The following BLMH variants were observed in gnomAD, a reference collection of about 807,000 sequenced individuals.
BLMH encodes the protein BLM hydrolase.
Under a neutral mutation model 61.6 loss-of-function variants are expected in BLMH, and 32 were observed. The observed-to-expected ratio is 0.52, with a 90% confidence interval of 0.39 to 0.70. The LOEUF (loss-of-function observed/expected upper bound fraction) is 0.70, where lower values mean the gene tolerates loss of function less well. Ranked by LOEUF, BLMH falls within the 30% of genes least tolerant of loss-of-function variation. BLMH has a pLI of 0.00. For synonymous variants in BLMH, 183 were observed against 193.8 expected, an observed-to-expected ratio of 0.94 and a Z score of 0.46; for missense variants, 460 against 555.5, an observed-to-expected ratio of 0.83 and a Z score of 1.73.
chr17:30,262,919 C>CTAA (rs1908002220), intron 11 of BLMH, among the ~76,000 whole-genome samples: 1 of 152,222 alleles, frequency 6.6e-6, no homozygotes, highest in Non-Finnish European at 1.5e-5. Context: ...TCACAATGTG[C>CTAA]TAACATGTGA....
chr17:30,264,489 A>G (rs1258090688), intron 11 of BLMH, among the ~76,000 whole-genome samples: 1 of 152,234 alleles, frequency 6.6e-6, no homozygotes, highest in African/African-American at 2.4e-5. Flanking sequence ...AAGTGACCTA[A>G]AATTATCTTT....
chr17:30,286,770 G>A (rs759355123), intron 5 of BLMH, 44 bp downstream of exon 5: 1 of 1,413,398 alleles, frequency 7.1e-7, no homozygotes, highest in Non-Finnish European at 1.0e-6. Context: ...AAGTTTGAAG[G>A]AAAGTACACT....
At chr17:30,275,398 C>T (rs549883402) in intron 6 of BLMH, among the ~76,000 whole-genome samples, 2 of 152,188 alleles carry the variant, frequency 1.3e-5, no homozygotes, top group East Asian at 1.9e-4. Context: ...CAGTGGCTCA[C>T]GCCTGTAATC....
chr17:30,272,381 T>C (rs1908300459), intron 9 of BLMH, 180 bp downstream of exon 9: 8 of 701,436 alleles, frequency 1.1e-5, no homozygotes, highest in Non-Finnish European at 2.0e-5. Flanking sequence ...GGTTAGAGTG[T>C]TTAAGTATGT....
At chr17:30,255,924 A>G (rs745459448) in intron 11 of BLMH, among the ~76,000 whole-genome samples, 5 of 152,102 alleles carry the variant, frequency 3.3e-5, no homozygotes, top group African/African-American at 2.4e-5. Flanking sequence ...ACAAGCTCTC[A>G]CTCTGTTACC....
intron 9 of BLMH, chr17:30,272,281 T>G: frequency 1.3e-5 from 6 of 462,208 alleles, no homozygotes; most frequent in Non-Finnish European, 1.9e-5. Flanking sequence ...TAGTCAATTA[T>G]TTTTTTAAAG....
intron 11 of BLMH, among the ~76,000 whole-genome samples, chr17:30,264,055 C>T (rs952405766): frequency 6.6e-6 from 1 of 152,222 alleles, no homozygotes; most frequent in African/African-American, 2.4e-5. Flanking sequence ...TAATAACATA[C>T]TATGCGCTCT....
rs1908887887 is a variant in BLMH, at chr17:30,291,501, A to T, written c.21T>A (p.Asn7Lys). ...GTATCAGAGCAGCTACCTTCTCCGA[A>T]TTCAGTCCTGTTGGGAGACCAAACA... is the stretch of plus-strand genomic sequence containing the variant. The part of the protein sequence containing the change: MSSSGL[N>K]SEKVAALIQK... The change falls in exon 2 of 12, where the codon AAT becomes AAA. Residue 7 changes from asparagine (N) to lysine (K), a missense_variant. Physicochemically the swap from Asn to Lys is moderately conservative, Grantham distance 94 (BLOSUM62 0). This residue lies in a region of BLMH where 86 missense variants were observed against 84.5 expected (regional missense o/e 1.02). Transcript: ENST00000261714. 6.2e-7 allele frequency: 1 copy of T among 1,614,140 alleles called. No homozygotes were observed. The highest frequency in any genetic ancestry group is 8.5e-7 in the Non-Finnish European group (1 of 1,179,984).
chr17:30,275,039 TAAA>T (rs539113684), intron 6 of BLMH, among the ~76,000 whole-genome samples: 3 of 125,436 alleles, frequency 2.4e-5, no homozygotes, highest in Non-Finnish European at 1.7e-5. Context: ...AGTCATGGTT[TAAA>T]AAAAAAAAAA....
chr17:30,288,839 T>C (rs918708329), intron 3 of BLMH, among the ~76,000 whole-genome samples: 5 of 152,082 alleles, frequency 3.3e-5, no homozygotes, highest in African/African-American at 1.2e-4. Context: ...TGGTGGCATG[T>C]GCCTGTGATT....
intron 11 of BLMH, among the ~76,000 whole-genome samples, chr17:30,256,729 A>C (rs921005436): frequency 2.6e-5 from 4 of 152,118 alleles, no homozygotes; most frequent in African/African-American, 9.7e-5. Context: ...TAATGAAAAA[A>C]AAAAACAAAA....
chr17:30,250,380 A>T (rs1226625830), intron 11 of BLMH: 1 of 150,420 alleles, frequency 6.6e-6, no homozygotes, highest in Non-Finnish European at 1.5e-5. Context: ...AATCGGCAAG[A>T]AACAAACAAA....
chr17:30,253,654 T>C (rs1054849267), intron 11 of BLMH, among the ~76,000 whole-genome samples: 8 of 152,030 alleles, frequency 5.3e-5, no homozygotes, highest in African/African-American at 1.9e-4. Context: ...ACACTGGCCG[T>C]GAGACACAAG....
At chr17:30,250,831 C>T (rs1201325620) in intron 11 of BLMH, among the ~76,000 whole-genome samples, 6 of 152,172 alleles carry the variant, frequency 3.9e-5, no homozygotes, top group Admixed American at 3.9e-4. Flanking sequence ...TGGAACCAAC[C>T]TAAGTGCCCA....
intron 11 of BLMH, among the ~76,000 whole-genome samples, chr17:30,255,500 T>C (rs1189537938): frequency 6.6e-6 from 1 of 152,222 alleles, no homozygotes; most frequent in Non-Finnish European, 1.5e-5. Context: ...ATTACTAACT[T>C]TCTTCTTGGA....
intron 11 of BLMH, among the ~76,000 whole-genome samples, chr17:30,265,201 C>G (rs889671481): frequency 6.6e-6 from 1 of 152,138 alleles, no homozygotes; most frequent in Admixed American, 6.5e-5. Context: ...GGACAGTCAG[C>G]CAAAATCCAC....
chr17:30,283,672 C>T (rs1273939981), intron 6 of BLMH, among the ~76,000 whole-genome samples: 1 of 151,948 alleles, frequency 6.6e-6, no homozygotes, highest in Admixed American at 6.6e-5. Context: ...CAGGCGCATA[C>T]CACCACGCCC....
chr17:30,275,415 C>T (rs992902506), intron 6 of BLMH, among the ~76,000 whole-genome samples: 12 of 152,102 alleles, frequency 7.9e-5, no homozygotes, highest in African/African-American at 2.9e-4. Context: ...AATCCCAGCA[C>T]TTTGGGAGGC....
chr17:30,251,071 T>C (rs1907655803), intron 11 of BLMH, among the ~76,000 whole-genome samples: 2 of 152,140 alleles, frequency 1.3e-5, no homozygotes, highest in Admixed American at 6.5e-5. Flanking sequence ...TATAATGGAC[T>C]TTGGGCACTC....
Sources: gnomAD v4.1 joint callset for allele counts (sites outside exome capture counted in the v4.1 genomes callset) on GRCh38, gnomAD v4.1.1 for gene constraint, gnomAD v4.1.1 regional missense constraint, MANE v1.5 for transcripts, NCBI Gene and HGNC (gene_info 2026-07-23, HGNC 2026-07-21) for gene names.